Variants in GRIN2A observed in about 807,000 individuals in gnomAD.
GRIN2A encodes the protein glutamate receptor ionotropic, NMDA 2A.
A neutral mutation model predicts 113.4 loss-of-function variants in GRIN2A; 22 were observed. The observed-to-expected ratio is 0.19, with a 90% CI of 0.14 to 0.28. GRIN2A has a LOEUF of 0.28. Among genes scored for constraint, GRIN2A ranks in the 10% least tolerant of loss-of-function variants. The probability of loss-of-function intolerance (pLI) is 1.00; values close to 1 mark genes in which losing one functional copy is unlikely to be tolerated. For synonymous variants in GRIN2A, 827 were observed against 738.4 expected, an observed-to-expected ratio of 1.12 and a Z score of -1.94; for missense variants, 1,502 against 1,887.0, an observed-to-expected ratio of 0.80 and a Z score of 3.78.
chr16:9,826,193 G>A (rs2042384311), intron 9 of GRIN2A, among the ~76,000 whole-genome samples: 1 of 152,092 alleles, frequency 6.6e-6, no homozygotes, highest in Non-Finnish European at 1.5e-5. Flanking sequence ...ACATACAGAA[G>A]GCCAATCATA....
chr16:9,778,423 A>G (rs939450760), intron 11 of GRIN2A, among the ~76,000 whole-genome samples: 6 of 152,224 alleles, frequency 3.9e-5, no homozygotes, highest in African/African-American at 1.4e-4. Context: ...TTGCCATTGC[A>G]TATTTTCTCA....
chr16:10,064,450 T>C (rs997060855), intron 2 of GRIN2A, among the ~76,000 whole-genome samples: 4 of 152,266 alleles, frequency 2.6e-5, no homozygotes, highest in Admixed American at 2.6e-4. Context: ...TAGGACTTTA[T>C]CAACGGGAAA....
At chr16:9,989,866 T>C (rs565167841) in intron 2 of GRIN2A, among the ~76,000 whole-genome samples, 5 of 152,100 alleles carry the variant, frequency 3.3e-5, no homozygotes, top group Non-Finnish European at 5.9e-5. Flanking sequence ...ATGGCTATTA[T>C]TAAAGAATCA....
At chr16:10,061,899 C>G (rs557233135) in intron 2 of GRIN2A, among the ~76,000 whole-genome samples, 1 of 152,168 alleles carries the variant, frequency 6.6e-6, no homozygotes, top group African/African-American at 2.4e-5. Flanking sequence ...CAAAATGGGA[C>G]GTATTCAGCC....
At chr16:9,903,180 A>G (rs577396922) in intron 3 of GRIN2A, among the ~76,000 whole-genome samples, 5 of 152,176 alleles carry the variant, frequency 3.3e-5, no homozygotes, top group Non-Finnish European at 7.4e-5. Context: ...TGTGTTAGCC[A>G]GGATGGTCTC....
intron 4 of GRIN2A, among the ~76,000 whole-genome samples, chr16:9,858,658 G>A (rs1461285398): frequency 1.3e-5 from 2 of 152,160 alleles, no homozygotes; most frequent in Non-Finnish European, 2.9e-5. Flanking sequence ...TTTAAATACA[G>A]TGCTTTTAGG....
chr16:9,955,341 A>T (rs951617373), intron 2 of GRIN2A, among the ~76,000 whole-genome samples: 2 of 152,048 alleles, frequency 1.3e-5, no homozygotes, highest in Non-Finnish European at 2.9e-5. Flanking sequence ...GGTTCCTTGA[A>T]CTGTTCTTAC....
intron 2 of GRIN2A, among the ~76,000 whole-genome samples, chr16:10,109,130 G>A (rs1028930502): frequency 6.6e-6 from 1 of 151,278 alleles, no homozygotes; most frequent in Non-Finnish European, 1.5e-5. Flanking sequence ...ATATTAAAAG[G>A]ATTAAAAAAC....
Position 9,764,966 on chromosome 16 carries a change from A to G in GRIN2A, c.2596-18T>C, listed in dbSNP as rs773699551. On this transcript the variant is annotated intron_variant, in intron 12 of 12. Coordinates refer to ENST00000330684, the MANE Select transcript of GRIN2A (RefSeq NM_001134407.3). ...TAGATGCCCTGTAGGGGAGCAACATAAAGCACTGTCAGCAGCAGCAGCAGT... is the reference window on the plus strand; with the variant it reads ...TAGATGCCCTGTAGGGGAGCAACATGAAGCACTGTCAGCAGCAGCAGCAGT... 10 of 1,613,762 alleles carry G rather than the reference A, an allele frequency of 6.2e-6. No homozygotes were observed. Among genetic ancestry groups the G allele is most frequent in the Non-Finnish European group, 7.6e-6 (9 of 1,180,012 alleles).
In GRIN2A at chr16:9,763,806, A is replaced by G. The variant is rs757701588; in HGVS notation, c.3738T>C (p.Tyr1246=). The G allele has an allele frequency of 2.5e-6, 4 of 1,614,126 alleles. No homozygotes were observed. Among genetic ancestry groups the G allele is most frequent in the Non-Finnish European group, 3.4e-6 (4 of 1,180,018 alleles). Residue 1246 remains tyrosine (Y), a synonymous_variant, in exon 13 of 13, where the codon TAT becomes TAC. Coordinates refer to ENST00000330684, the MANE Select transcript of GRIN2A (RefSeq NM_001134407.3). ...GAAGCATCTGGTCTTCATCGATGTC[A>G]TAGAGGTTCCCCATCCGCAGGCAGG... ...CDACLRMGNL[Y]DIDEDQMLQE...
At chr16:10,170,179 G>C (rs2050012574) in intron 2 of GRIN2A, among the ~76,000 whole-genome samples, 1 of 152,216 alleles carries the variant, frequency 6.6e-6, no homozygotes, top group South Asian at 2.1e-4. Context: ...CTATGAGCCA[G>C]ATTCAGCGTG....
Position 9,760,215 on chromosome 16 carries a change from G to C in GRIN2A, c.*2934C>G, listed in dbSNP as rs147134369. 4.9e-4 allele frequency: 111 copies of C among 226,804 alleles called. No individual in the cohort carries two copies. Among genetic ancestry groups the C allele is most frequent in the African/African-American group, 2.4e-3 (106 of 45,082 alleles). The allele number at this position is 226,804 out of a possible 1,614,324, so 14.0% of individuals were successfully genotyped here. ...TAGATCTATAGTCTCAGGCTTCCAG[G>C]CTTCCTATTTAATTCTTGTTACTTC... On this transcript the variant is annotated 3_prime_UTR_variant, in exon 13 of 13. Transcript: ENST00000330684.
intron 2 of GRIN2A, among the ~76,000 whole-genome samples, chr16:9,968,302 A>G (rs1010891965): frequency 2.0e-5 from 3 of 151,744 alleles, no homozygotes; most frequent in African/African-American, 7.3e-5. Context: ...GTATGTATGT[A>G]TGTATACATG....
In GRIN2A at chr16:9,849,974, C is replaced by T. The variant is rs1326750164; in HGVS notation, c.1123-13G>A. The T allele has an allele frequency of 6.2e-7, 1 of 1,607,762 alleles. No individual in the cohort carries two copies. The highest frequency in any genetic ancestry group is 1.1e-5 in the South Asian group (1 of 90,936). ...CCCACTTGCCCACCTGCAGCACAAA[C>T]ACAAAGACACAGCTGTGCTTTCTTC... On this transcript the variant is annotated splice_polypyrimidine_tract_variant and intron_variant, in intron 4 of 12. Coordinates refer to ENST00000330684, the MANE Select transcript of GRIN2A (RefSeq NM_001134407.3).
chr16:9,760,470 C>T lies in GRIN2A; in HGVS notation c.*2679G>A. 1 of 160,254 alleles carries T rather than the reference C, an allele frequency of 6.2e-6. No individual in the cohort carries two copies. Among genetic ancestry groups the T allele is most frequent in the Non-Finnish European group, 1.2e-5 (1 of 83,118 alleles). 9.9% of individuals were successfully genotyped at this position (160,254 alleles called of 1,614,324 possible). ...ATACCATAAACTTTGTGTAGCATAA[C>T]ATTTCTGATTATTTATTTGAAAAAA... On this transcript the variant is annotated 3_prime_UTR_variant, in exon 13 of 13. Transcript: ENST00000330684.
intron 10 of GRIN2A, among the ~76,000 whole-genome samples, chr16:9,818,692 C>A (rs543418441): frequency 9.9e-5 from 15 of 152,252 alleles, no homozygotes; most frequent in Non-Finnish European, 1.8e-4. Context: ...GAGAAAAGTG[C>A]AAATTTATAT....
chr16:9,867,018 T>G (rs2043171809), intron 4 of GRIN2A, among the ~76,000 whole-genome samples: 1 of 152,212 alleles, frequency 6.6e-6, no homozygotes, highest in African/African-American at 2.4e-5. Flanking sequence ...TCAATTAGTC[T>G]ATTTGTTCAT....
chr16:9,776,918 T>C (rs1242208504), intron 11 of GRIN2A, among the ~76,000 whole-genome samples: 4 of 152,204 alleles, frequency 2.6e-5, no homozygotes, highest in African/African-American at 9.6e-5. Flanking sequence ...TGAGTTGTGG[T>C]CCTGCAATTG....
intron 10 of GRIN2A, among the ~76,000 whole-genome samples, chr16:9,804,059 A>G (rs2041917873): frequency 6.6e-6 from 1 of 152,174 alleles, no homozygotes; most frequent in Non-Finnish European, 1.5e-5. Flanking sequence ...CCTCCATAGA[A>G]AACTCTTGCC....
Sources: gnomAD v4.1 joint callset for allele counts (sites outside exome capture counted in the v4.1 genomes callset) on GRCh38, gnomAD v4.1.1 for gene constraint, MANE v1.5 for transcripts, NCBI Gene and HGNC (gene_info 2026-07-23, HGNC 2026-07-21) for gene names.